LUZP2: variants seen among roughly 807,000 people sequenced by gnomAD.
LUZP2 encodes leucine zipper protein 2.
A neutral mutation model predicts 51.6 loss-of-function variants in LUZP2; 52 were observed. The ratio of observed to expected loss-of-function variants is 1.01; its 90% CI spans 0.81 to 1.27. The LOEUF (loss-of-function observed/expected upper bound fraction) is 1.27. LUZP2 is among the 50% of genes most tolerant of loss of function. The pLI is 0.00. For missense variants in LUZP2, 436 were observed against 395.4 expected, an observed-to-expected ratio of 1.10 and a Z score of -0.87; for synonymous variants, 154 against 137.3, an observed-to-expected ratio of 1.12 and a Z score of -0.85.
chr11:24,580,656 A>T (rs10734354), intron 1 of LUZP2, among the ~76,000 whole-genome samples: 148,023 of 152,248 alleles, frequency 0.97, 72,064 homozygotes, highest in East Asian at 1. Flanking sequence ...TGCAAATGTG[A>T]TAAACAGCTG....
intron 5 of LUZP2, among the ~76,000 whole-genome samples, chr11:24,840,962 AG>A (rs1291251283): frequency 6.6e-6 from 1 of 152,048 alleles, no homozygotes; most frequent in Non-Finnish European, 1.5e-5. Context: ...ATTAAATAGA[AG>A]TATATGGATT....
intron 5 of LUZP2, among the ~76,000 whole-genome samples, chr11:24,791,054 G>A (rs140064920): frequency 0.012 from 1,864 of 152,192 alleles, 20 homozygotes; most frequent in Admixed American, 0.019. Flanking sequence ...TGTTTAAATG[G>A]TATCTCGAAC....
At chr11:24,509,471 G>A (rs1195160008) in intron 1 of LUZP2, among the ~76,000 whole-genome samples, 2 of 148,528 alleles carry the variant, frequency 1.3e-5, no homozygotes, top group East Asian at 2.0e-4. Flanking sequence ...ATATGGTATA[G>A]TATATATCAT....
intron 7 of LUZP2, among the ~76,000 whole-genome samples, chr11:24,960,482 A>AGTGT (rs1164098920): frequency 9.7e-6 from 1 of 103,114 alleles, no homozygotes; most frequent in Non-Finnish European, 2.2e-5. Context: ...GTCTTGGGAG[A>AGTGT]GTGTGTTGAG....
chr11:24,657,242 T>C (rs1374172532), intron 1 of LUZP2, among the ~76,000 whole-genome samples: 1 of 152,156 alleles, frequency 6.6e-6, no homozygotes, highest in Non-Finnish European at 1.5e-5. Flanking sequence ...ATTTAAGACA[T>C]ATTTTGAAGG....
chr11:24,784,241 G>T (rs1849174912), intron 5 of LUZP2, among the ~76,000 whole-genome samples: 1 of 151,328 alleles, frequency 6.6e-6, no homozygotes, highest in Non-Finnish European at 1.5e-5. Flanking sequence ...ATTCTACTTT[G>T]TTTTCTTTAT....
At chr11:24,527,567 T>TCTCTCACACACACACA (rs796404136) in intron 1 of LUZP2, among the ~76,000 whole-genome samples, 3 of 131,560 alleles carry the variant, frequency 2.3e-5, no homozygotes, top group African/African-American at 8.6e-5. Flanking sequence ...TCTCTCTCTC[T>TCTCTCACACACACACA]CACACACACA....
At chr11:24,674,388 C>T (rs1336401532) in intron 1 of LUZP2, among the ~76,000 whole-genome samples, 2 of 152,136 alleles carry the variant, frequency 1.3e-5, no homozygotes, top group East Asian at 1.9e-4. Context: ...TGATTTTCTC[C>T]TTCTATGAAG....
rs535578699 is a variant in LUZP2, at chr11:24,666,938, T to C, written c.63-62231T>C. Among the ~76,000 whole-genome samples the C allele has an allele frequency of 1.3e-3, 191 of 152,272 alleles. 1 individual carries two copies. Among genetic ancestry groups the C allele is most frequent in the African/African-American group, 4.5e-3 (188 of 41,546 alleles). On this transcript the variant is annotated intron_variant, in intron 1 of 11. Coordinates refer to ENST00000336930, the MANE Select transcript of LUZP2 (RefSeq NM_001009909.4). ...TATAATTCTGTTTTTATTTTTCTCG[T>C]CTCTCTCCGTTATTCTCTTATTCTT...
intron 9 of LUZP2, among the ~76,000 whole-genome samples, chr11:25,003,544 G>A (rs759687137): frequency 6.6e-6 from 1 of 152,186 alleles, no homozygotes; most frequent in Non-Finnish European, 1.5e-5. Context: ...TTCAGTTTTT[G>A]TACTCCTAGA....
At chr11:24,859,190 ATT>A (rs1014846002) in intron 5 of LUZP2, among the ~76,000 whole-genome samples, 1 of 152,238 alleles carries the variant, frequency 6.6e-6, no homozygotes, top group African/African-American at 2.4e-5. Context: ...TATGACTTAT[ATT>A]AAGTCATCTT....
rs11269785 is a variant in LUZP2 at position 24,848,140 on chromosome 11, T to TTGATA, written c.397-57830_397-57826dup. On this transcript the variant is annotated intron_variant, in intron 5 of 11. Transcript: ENST00000336930. Reference sequence around the variant, plus strand: ...CTCAGCAAACAGGACTAATATATGATTGATATGATATGATATGATATGATA... The same window carrying TTGATA: ...CTCAGCAAACAGGACTAATATATGATTGATATGATATGATATGATATGATATGATA... Among the ~76,000 whole-genome samples the TTGATA allele has an allele frequency of 2.4e-3, 361 of 151,522 alleles. 1 individual carries two copies. Among genetic ancestry groups the TTGATA allele is most frequent in the African/African-American group, 6.7e-3 (277 of 41,188 alleles).
chr11:24,665,790 C>T (rs1856193661), intron 1 of LUZP2, among the ~76,000 whole-genome samples: 1 of 152,104 alleles, frequency 6.6e-6, no homozygotes, highest in African/African-American at 2.4e-5. Flanking sequence ...CCTGACACCA[C>T]GTGGGACTGT....
At chr11:25,022,123 C>G (rs561382841) in intron 9 of LUZP2, among the ~76,000 whole-genome samples, 1 of 152,176 alleles carries the variant, frequency 6.6e-6, no homozygotes, top group South Asian at 2.1e-4. Flanking sequence ...TCTATTAGGT[C>G]TCATTTTTAA....
chr11:24,713,597 T>TG (rs1857920778), intron 1 of LUZP2, among the ~76,000 whole-genome samples: 1 of 150,554 alleles, frequency 6.6e-6, no homozygotes, highest in Non-Finnish European at 1.5e-5. Context: ...CCCAGCACTT[T>TG]GGGAGGCCAA....
Position 25,026,499 on chromosome 11 carries a change from G to T in LUZP2, c.766-23539G>T, listed in dbSNP as rs567937000. The stretch of plus-strand genomic sequence containing the variant: ...TGGAAAGTAGAGTGTAAGAAATGTA[G>T]GTTAAAAGAACTTAAGCTTATTGCC... On this transcript the variant is annotated intron_variant, in intron 9 of 11. Coordinates refer to ENST00000336930, the MANE Select transcript of LUZP2 (RefSeq NM_001009909.4). Among the ~76,000 whole-genome samples the T allele has an allele frequency of 1.8e-4, 28 of 151,720 alleles. No individual in the cohort carries two copies. In the South Asian group the frequency reaches 3.7e-3, roughly 20 times the overall value.
chr11:24,622,760 A>C (rs1319428264), intron 1 of LUZP2, among the ~76,000 whole-genome samples: 1 of 152,172 alleles, frequency 6.6e-6, no homozygotes, highest in Non-Finnish European at 1.5e-5. Context: ...GATTATTTTG[A>C]AGACGGAGTT....
At position 24,529,084 on chromosome 11, in the gene LUZP2, C is replaced by G. The variant is rs1210661288; in HGVS notation, c.62+31779C>G. On this transcript the variant is annotated intron_variant, in intron 1 of 11. Transcript: ENST00000336930. The stretch of plus-strand genomic sequence containing the variant: ...GGCACTTGCTGTCCTTTAATAATAA[C>G]ATAGTCATCCTCCACATCATAGAAC... Among the ~76,000 whole-genome samples, 3 of 151,038 alleles carry G rather than the reference C, an allele frequency of 2.0e-5. 1 individual carries two copies. In the South Asian group the frequency reaches 6.2e-4, roughly 31 times the overall value.
chr11:24,920,989 T>G (rs919201408), intron 7 of LUZP2, among the ~76,000 whole-genome samples: 2 of 151,994 alleles, frequency 1.3e-5, no homozygotes, highest in Non-Finnish European at 2.9e-5. Context: ...AAATAATATA[T>G]CCATTAAAAA....
Sources: allele counts gnomAD v4.1 joint callset (sites outside exome capture counted in the v4.1 genomes callset), GRCh38; gene constraint gnomAD v4.1.1; transcripts MANE v1.5; gene names NCBI Gene and HGNC (gene_info 2026-07-23, HGNC 2026-07-21).